The following DMRT1 variants were observed in gnomAD, a reference collection of about 807,000 sequenced individuals.
DMRT1 encodes the protein doublesex- and mab-3-related transcription factor 1.
A neutral mutation model predicts 32.3 loss-of-function variants in DMRT1; 7 were observed. The ratio of observed to expected loss-of-function variants is 0.22; its 90% CI spans 0.12 to 0.41. DMRT1 has a LOEUF of 0.41. Ranked by LOEUF, DMRT1 falls within the 10% of genes least tolerant of loss-of-function variation. The pLI is 1.00. For missense variants in DMRT1, 625 were observed against 500.5 expected (o/e 1.25, Z -2.37); for synonymous variants, 278 against 206.1 (o/e 1.35, Z -2.99).
chr9:857,135 C>G (rs565730995), intron 2 of DMRT1, among the ~76,000 whole-genome samples: 4 of 152,000 alleles, frequency 2.6e-5, no homozygotes, highest in African/African-American at 9.7e-5. Flanking sequence ...GGTGAAACCC[C>G]GTCTCTACCA....
chr9:922,202 A>G (rs1818376888), intron 4 of DMRT1, among the ~76,000 whole-genome samples: 1 of 152,118 alleles, frequency 6.6e-6, no homozygotes, highest in Non-Finnish European at 1.5e-5. Context: ...GGGGGGCTCT[A>G]GTAATTCATT....
chr9:944,909 A>G (rs1215236285), intron 4 of DMRT1, among the ~76,000 whole-genome samples: 1 of 152,076 alleles, frequency 6.6e-6, no homozygotes, highest in Non-Finnish European at 1.5e-5. Context: ...AGTTAACAAG[A>G]TAATTTGGTA....
chr9:967,041 A>G (rs1046797201), intron 4 of DMRT1, among the ~76,000 whole-genome samples: 3 of 152,212 alleles, frequency 2.0e-5, no homozygotes, highest in Non-Finnish European at 4.4e-5. Context: ...ACGATTGGCC[A>G]TTTGGAATTG....
At chr9:925,008 C>G (rs927701734) in intron 4 of DMRT1, among the ~76,000 whole-genome samples, 18 of 152,316 alleles carry the variant, frequency 1.2e-4, no homozygotes, top group African/African-American at 4.1e-4. Flanking sequence ...TTTGACAAGG[C>G]CTCCTCCAGG....
chr9:861,279 A>C (rs1815654247), intron 2 of DMRT1, among the ~76,000 whole-genome samples: 1 of 152,024 alleles, frequency 6.6e-6, no homozygotes, highest in South Asian at 2.1e-4. Flanking sequence ...CTTAAGGAGC[A>C]TGCTGCCTTC....
chr9:948,962 G>T (rs1819341008), intron 4 of DMRT1, among the ~76,000 whole-genome samples: 1 of 151,162 alleles, frequency 6.6e-6, no homozygotes. Flanking sequence ...GCGTGGTGGT[G>T]GGTGCCTGTA....
At chr9:905,309 A>G (rs1401170691) in intron 3 of DMRT1, among the ~76,000 whole-genome samples, 1 of 152,134 alleles carries the variant, frequency 6.6e-6, no homozygotes, top group African/African-American at 2.4e-5. Flanking sequence ...GGAAAAAGGT[A>G]TTATCCCCAC....
At chr9:949,907 A>T (rs569726221) in intron 4 of DMRT1, among the ~76,000 whole-genome samples, 39 of 152,198 alleles carry the variant, frequency 2.6e-4, no homozygotes, top group Non-Finnish European at 4.9e-4. Flanking sequence ...TTTAAGGCTG[A>T]ATAATATTCC....
At chr9:896,268 T>C (rs1817356380) in intron 3 of DMRT1, among the ~76,000 whole-genome samples, 1 of 151,754 alleles carries the variant, frequency 6.6e-6, no homozygotes, top group Non-Finnish European at 1.5e-5. Context: ...ACTGAGATTT[T>C]TTTTTTCTTG....
intron 2 of DMRT1, among the ~76,000 whole-genome samples, chr9:871,499 ATTTTTTTTTT>A (rs56390211): frequency 5.2e-5 from 6 of 115,094 alleles, no homozygotes; most frequent in East Asian, 2.5e-4. Context: ...CGCCCGGCTA[ATTTTTTTTTT>A]TTTTTTTTTT....
chr9:910,931 A>T (rs1177892599), intron 3 of DMRT1, among the ~76,000 whole-genome samples: 1 of 152,214 alleles, frequency 6.6e-6, no homozygotes, highest in Non-Finnish European at 1.5e-5. Flanking sequence ...TTGAGAGGAA[A>T]CAAGGAGGCA....
At chr9:927,918 G>C (rs1452337814) in intron 4 of DMRT1, among the ~76,000 whole-genome samples, 1 of 152,192 alleles carries the variant, frequency 6.6e-6, no homozygotes, top group Admixed American at 6.5e-5. Context: ...TGGAATGTCC[G>C]TTTGATAGGA....
At chr9:942,022 C>G (rs1819090771) in intron 4 of DMRT1, among the ~76,000 whole-genome samples, 1 of 152,170 alleles carries the variant, frequency 6.6e-6, no homozygotes, top group Non-Finnish European at 1.5e-5. Flanking sequence ...GTTGTTATAT[C>G]ATGGTTATGT....
In DMRT1 at chr9:968,755, A is replaced by G. The variant is rs1820017736; in HGVS notation, c.*616A>G. ...AAAAAAAAATTGCTGCGTTTTTGGT[A>G]AAGGGTGTAATTTGTAAACAGTGCA... On this transcript the variant is annotated 3_prime_UTR_variant, in exon 5 of 5. Transcript: ENST00000382276. 1 of 153,514 alleles carries G rather than the reference A, an allele frequency of 6.5e-6. No individual in the cohort carries two copies. Among genetic ancestry groups the G allele is most frequent in the African/African-American group, 2.4e-5 (1 of 41,438 alleles). 9.5% of individuals were successfully genotyped at this position (153,514 alleles called of 1,614,324 possible).
intron 2 of DMRT1, among the ~76,000 whole-genome samples, chr9:864,719 C>T (rs557790712): frequency 6.7e-6 from 1 of 149,918 alleles, no homozygotes; most frequent in South Asian, 2.1e-4. Context: ...CCAGGATGGT[C>T]TCCATCTCCT....
intron 4 of DMRT1, among the ~76,000 whole-genome samples, chr9:935,528 A>G (rs905145139): frequency 6.6e-6 from 1 of 152,196 alleles, no homozygotes; most frequent in Non-Finnish European, 1.5e-5. Flanking sequence ...CTGATGAGCG[A>G]TAGATTGGGT....
intron 2 of DMRT1, among the ~76,000 whole-genome samples, chr9:886,117 G>C (rs1344455840): frequency 3.9e-5 from 6 of 152,080 alleles, no homozygotes; most frequent in Non-Finnish European, 8.8e-5. Context: ...AGTTGTATTG[G>C]CCATGCAGTT....
chr9:852,507 T>C (rs7020479), intron 2 of DMRT1, among the ~76,000 whole-genome samples: 64,991 of 151,648 alleles, frequency 0.43, 14,843 homozygotes, highest in Non-Finnish European at 0.52. Flanking sequence ...CTACTTTTTC[T>C]TCAGCCTCCC....
chr9:868,607 C>T (rs987655021), intron 2 of DMRT1, among the ~76,000 whole-genome samples: 1 of 152,188 alleles, frequency 6.6e-6, no homozygotes, highest in Non-Finnish European at 1.5e-5. Flanking sequence ...GCCATTGTAC[C>T]TCCTGGTCTT....
Sources: gnomAD v4.1 joint callset for allele counts (sites outside exome capture counted in the v4.1 genomes callset) on GRCh38, gnomAD v4.1.1 for gene constraint, MANE v1.5 for transcripts, NCBI Gene and HGNC (gene_info 2026-07-23, HGNC 2026-07-21) for gene names.